Variants in B4GALNT3 observed in about 807,000 individuals in gnomAD.
B4GALNT3 encodes the protein beta-1,4-N-acetylgalactosaminyltransferase 3.
A neutral mutation model predicts 120.2 loss-of-function variants in B4GALNT3; 86 were observed. That is an observed-to-expected ratio of 0.72 (90% confidence interval 0.60 to 0.86). B4GALNT3 has a LOEUF of 0.86. Ranked by LOEUF, B4GALNT3 falls within the 40% of genes least tolerant of loss-of-function variation. B4GALNT3 has a pLI of 0.00. For missense variants in B4GALNT3, 1,167 were observed against 1,298.9 expected (o/e 0.90, Z 1.56); for synonymous variants, 518 against 510.4 (o/e 1.01, Z -0.20).
At chr12:552,292 TACACACACACACACACACACACACAC>T (rs10604398) in intron 12 of B4GALNT3, 129 bp downstream of exon 12, 25 of 627,112 alleles carry the variant, frequency 4.0e-5, no homozygotes, top group South Asian at 3.2e-4. Context: ...TCCTGAGTAC[TACACACACACACACACACACACACAC>T]ACACACACAC....
chr12:555,397 G>C (rs561801258), intron 14 of B4GALNT3: 2 of 456,564 alleles, frequency 4.4e-6, no homozygotes, highest in Non-Finnish European at 8.8e-6. Flanking sequence ...AGTTTCATTC[G>C]TGTTGTAGAA....
intron 1 of B4GALNT3, among the ~76,000 whole-genome samples, chr12:506,496 T>C (rs893566329): frequency 1.6e-4 from 25 of 152,344 alleles, no homozygotes; most frequent in African/African-American, 5.5e-4. Context: ...CAAAGGTATA[T>C]AATATTAAAA....
chr12:506,905 G>C (rs1946502788), intron 1 of B4GALNT3, among the ~76,000 whole-genome samples: 2 of 152,160 alleles, frequency 1.3e-5, no homozygotes, highest in Admixed American at 6.5e-5. Flanking sequence ...CGAAGTGCTG[G>C]GATTACAGGC....
At chr12:540,474 G>C (rs1199724777) in intron 3 of B4GALNT3, 1 of 152,214 alleles carries the variant, frequency 6.6e-6, no homozygotes, top group Non-Finnish European at 1.5e-5. Flanking sequence ...AGAACTATTT[G>C]AGAAGAGCTT....
At chr12:509,776 A>G (rs577221613) in intron 1 of B4GALNT3, among the ~76,000 whole-genome samples, 1 of 152,288 alleles carries the variant, frequency 6.6e-6, no homozygotes, top group Non-Finnish European at 1.5e-5. Context: ...AGCGTGGCCC[A>G]GGGAAGATCT....
chr12:479,197 T>C (rs1946211847), intron 1 of B4GALNT3, among the ~76,000 whole-genome samples: 1 of 143,318 alleles, frequency 7.0e-6, no homozygotes, highest in East Asian at 2.0e-4. Flanking sequence ...TTTTGTTTCA[T>C]GGCTGTGGCT....
At chr12:538,560 CAAAAAAAAAAA>C (rs771053015) in intron 3 of B4GALNT3, among the ~76,000 whole-genome samples, 27 of 64,072 alleles carry the variant, frequency 4.2e-4, no homozygotes, top group African/African-American at 1.4e-3. Flanking sequence ...AACCCCATCT[CAAAAAAAAAAA>C]AAAAAAAAAA....
chr12:555,617 G>A (rs1036312806), intron 14 of B4GALNT3, among the ~76,000 whole-genome samples: 5 of 152,112 alleles, frequency 3.3e-5, no homozygotes, highest in Non-Finnish European at 5.9e-5. Context: ...TAGAACTTCT[G>A]GGTCATATGG....
rs181598953 is a variant in B4GALNT3 at position 483,341 on chromosome 12, A to G, written c.169+22796A>G. ...GGCCTGTGGAGTTAGGTAAGGAGAA[A>G]GACAAGTAGCTTTGCTGTTACAAGG... is the stretch of plus-strand genomic sequence containing the variant. On this transcript the variant is annotated intron_variant, in intron 1 of 19. Coordinates refer to ENST00000266383, the MANE Select transcript of B4GALNT3 (RefSeq NM_173593.4). Among the ~76,000 whole-genome samples the G allele has an allele frequency of 2.8e-4, 43 of 152,376 alleles. 1 individual carries two copies. Among genetic ancestry groups the G allele is most frequent in the Admixed American group, 2.4e-3 (36 of 15,304 alleles).
intron 1 of B4GALNT3, among the ~76,000 whole-genome samples, chr12:509,471 G>A (rs896572290): frequency 7.9e-5 from 12 of 152,148 alleles, no homozygotes; most frequent in African/African-American, 2.9e-4. Context: ...ACCCGGATAC[G>A]GAATAGGAGA....
chr12:535,465 G>A (rs1005618322), intron 2 of B4GALNT3, among the ~76,000 whole-genome samples, 196 bp downstream of exon 2: 8 of 152,186 alleles, frequency 5.3e-5, no homozygotes, highest in African/African-American at 1.9e-4. Flanking sequence ...CTCAAAGCCA[G>A]TAAAAGGAAA....
rs756791907 is a variant in B4GALNT3 at position 553,265 on chromosome 12, C to A, written c.1342C>A (p.Gln448Lys). ...AGAGGAGACCCCTGCCTCCAACAAC[C>A]AGAATGCCAGGATGCTTGAGGGAAG... The part of the protein sequence containing the change: ...VAEETPASNN[Q>K]NARMLEGRQT... Residue 448 changes from glutamine to lysine, a missense_variant, in exon 14 of 20, where the codon CAG (glutamine) becomes AAG (lysine). By Grantham distance (53) the Gln-to-Lys change is moderately conservative. Around this residue, in one of 3 missense-constraint regions of B4GALNT3, gnomAD observed 983 missense variants for 1,102.5 expected, o/e 0.89. Coordinates refer to ENST00000266383, the MANE Select transcript of B4GALNT3 (RefSeq NM_173593.4). 2 of 1,613,582 alleles carry A rather than the reference C, an allele frequency of 1.2e-6. No homozygotes were observed. The highest frequency in any genetic ancestry group is 4.5e-5 in the East Asian group (2 of 44,872).
At chr12:464,751 C>T (rs1181404527) in intron 1 of B4GALNT3, among the ~76,000 whole-genome samples, 1 of 152,178 alleles carries the variant, frequency 6.6e-6, no homozygotes, top group African/African-American at 2.4e-5. Context: ...ATTTAAGTGC[C>T]AGGATTACTT....
chr12:546,788 G>A, intron 7 of B4GALNT3, 75 bp downstream of exon 7: 2 of 1,409,192 alleles, frequency 1.4e-6, no homozygotes, highest in Non-Finnish European at 9.8e-7. Flanking sequence ...CTGTCCGCCA[G>A]CCCAGCTGCC....
At chr12:504,637 G>C (rs952661406) in intron 1 of B4GALNT3, among the ~76,000 whole-genome samples, 3 of 151,952 alleles carry the variant, frequency 2.0e-5, no homozygotes, top group Admixed American at 1.3e-4. Context: ...TTTTAGCCCG[G>C]GAATTTGAGT....
chr12:561,755 G>A lies in B4GALNT3; in HGVS notation c.*304G>A, dbSNP rs769669814. 34 of 306,022 alleles carry A rather than the reference G, an allele frequency of 1.1e-4. No individual in the cohort carries two copies. Among genetic ancestry groups the A allele is most frequent in the Middle Eastern group, 9.8e-4 (1 of 1,022 alleles). The allele number at this position is 306,022 out of a possible 1,614,324, so 19.0% of individuals were successfully genotyped here. ...TCAGGAAGGAGAGATCTGACTGAGC[G>A]ACACCATCCTCATCCATGAAGGTGC... On this transcript the variant is annotated 3_prime_UTR_variant, in exon 20 of 20. Coordinates refer to ENST00000266383, the MANE Select transcript of B4GALNT3 (RefSeq NM_173593.4).
In B4GALNT3 at chr12:460,463, C is replaced by G; in HGVS notation, c.87C>G (p.Leu29=). Residue 29 remains leucine (L), a synonymous_variant, in exon 1 of 20, where the codon CTC becomes CTG. Transcript: ENST00000266383. This position sits in a 1 kb window ranked among gnomAD's most constrained non-coding sequence, Gnocchi z 8.0. ...GGCGCTTCCGGCTGCTGCTGGCGCT[C>G]GCCGTGGTGTCTGTGGGGCTCTGGA... ...LRRRFRLLLA[L]AVVSVGLWTL... 1 of 1,583,916 alleles carries G rather than the reference C, an allele frequency of 6.3e-7. No homozygotes were observed. The highest frequency in any genetic ancestry group is 8.6e-7 in the Non-Finnish European group (1 of 1,167,054).
intron 1 of B4GALNT3, among the ~76,000 whole-genome samples, chr12:485,532 T>TA (rs1274300994): frequency 6.6e-6 from 1 of 152,028 alleles, no homozygotes; most frequent in African/African-American, 2.4e-5. Context: ...GACCCAGAAA[T>TA]ATGTGAATGA....
intron 1 of B4GALNT3, among the ~76,000 whole-genome samples, chr12:522,198 A>G (rs1167568916): frequency 6.6e-6 from 1 of 152,174 alleles, no homozygotes; most frequent in Non-Finnish European, 1.5e-5. Context: ...AAGGGCTCTG[A>G]GAGATATTTG....
Sources: gnomAD v4.1 joint callset for allele counts (sites outside exome capture counted in the v4.1 genomes callset) on GRCh38, gnomAD v4.1.1 for gene constraint, gnomAD v4.1.1 regional missense constraint, Gnocchi (gnomAD v3.1) non-coding constraint, MANE v1.5 for transcripts, NCBI Gene and HGNC (gene_info 2026-07-23, HGNC 2026-07-21) for gene names.